The following ZNF260 variants were observed in gnomAD, a reference collection of about 807,000 sequenced individuals.
The protein encoded by ZNF260 is zfp-260.
A neutral mutation model predicts 29.3 loss-of-function variants in ZNF260; 21 were observed. The observed-to-expected ratio is 0.72, with a 90% CI of 0.51 to 1.03. The LOEUF (loss-of-function observed/expected upper bound fraction) is 1.03. ZNF260 is among the 50% of genes least tolerant of loss of function. ZNF260 has a pLI of 0.00. For synonymous variants in ZNF260, 156 were observed against 156.8 expected, an observed-to-expected ratio of 0.99 and a Z score of 0.04; for missense variants, 465 against 487.8, an observed-to-expected ratio of 0.95 and a Z score of 0.44.
At position 36,515,154 on chromosome 19, in the gene ZNF260, A is replaced by C. The variant is rs1223770878; in HGVS notation, c.85T>G (p.Cys29Gly). The C allele has an allele frequency of 1.9e-6, 3 of 1,613,646 alleles. No individual in the cohort carries two copies. Among genetic ancestry groups the C allele is most frequent in the Non-Finnish European group, 1.7e-6 (2 of 1,179,774 alleles). The change falls in exon 3 of 3, where the codon TGT becomes GGT. Residue 29 changes from cysteine (C) to glycine (G), a missense_variant. By Grantham distance (159) the Cys-to-Gly change is radical. Transcript: ENST00000523638. ...CTAAAAGTTTTTCTACATTCATTAC[A>C]TTCATAAGGTTTCTCTCCAGTATGA... is the stretch of plus-strand genomic sequence containing the variant. Reference protein sequence around the residue: ...QIHTGEKPYECNECRKTFSLK... With the variant: ...QIHTGEKPYEGNECRKTFSLK...
rs1182103669 is a variant in ZNF260, at chr19:36,514,204, T to C, written c.1035A>G (p.Ser345=). Residue 345 remains serine, a synonymous_variant, in exon 3 of 3, where the codon TCA becomes TCG. Coordinates refer to ENST00000523638, the MANE Select transcript of ZNF260 (RefSeq NM_001166037.2). ...GGCTTCTCATATGCACAGTAAGAGA[T>C]GAGCTTTGACAGAAGGCTTTCCCAC... ...KVCGKAFCQS[S]SLTVHMRSHT... is the part of the protein sequence containing the mutation. The C allele has an allele frequency of 6.2e-7, 1 of 1,613,918 alleles. No homozygotes were observed. The highest frequency in any genetic ancestry group is 1.1e-5 in the South Asian group (1 of 91,080).
intron 2 of ZNF260, among the ~76,000 whole-genome samples, chr19:36,517,838 CTT>C (rs200161285): frequency 7.6e-5 from 11 of 143,912 alleles, no homozygotes; most frequent in Admixed American, 1.4e-4. Context: ...TTCTTTCTTT[CTT>C]TTTTTTTTTT....
In ZNF260 at chr19:36,511,076, T is replaced by C. The variant is rs2034443580; in HGVS notation, c.*2924A>G. The C allele has an allele frequency of 6.6e-6, 1 of 152,116 alleles. No individual in the cohort carries two copies. Among genetic ancestry groups the C allele is most frequent in the Admixed American group, 6.6e-5 (1 of 15,264 alleles). The allele number at this position is 152,116 out of a possible 1,614,324, so 9.4% of individuals were successfully genotyped here. A position where few individuals can be genotyped will look rare whatever the true frequency, so the allele number is the denominator to read the frequency against. ...TATTTGGGTATATTACCTCAGAAAA[T>C]CAACAACTGTCATTTTCAATCTTAT... is the stretch of plus-strand genomic sequence containing the variant. On this transcript the variant is annotated 3_prime_UTR_variant, in exon 3 of 3. Coordinates refer to ENST00000523638, the MANE Select transcript of ZNF260 (RefSeq NM_001166037.2).
In ZNF260 at chr19:36,525,266, G is replaced by C. The variant is rs937329219; in HGVS notation, c.-573C>G. 3 of 152,186 alleles carry C rather than the reference G, an allele frequency of 2.0e-5. No individual in the cohort carries two copies. The highest frequency in any genetic ancestry group is 7.2e-5 in the African/African-American group (3 of 41,438). 9.4% of individuals were successfully genotyped at this position (152,186 alleles called of 1,614,324 possible). On this transcript the variant is annotated 5_prime_UTR_variant, in exon 2 of 3. Transcript: ENST00000523638. ...AACTTGTGAGCAGAAAAATGACACT[G>C]GACTTGGATGTTATGGTTGGGGAAC... is the stretch of plus-strand genomic sequence containing the variant.
At chr19:36,527,489 G>A (rs987865556) in intron 1 of ZNF260, among the ~76,000 whole-genome samples, 2 of 152,150 alleles carry the variant, frequency 1.3e-5, no homozygotes, top group Non-Finnish European at 2.9e-5. Flanking sequence ...AAAGGCTGGG[G>A]AAACCCTGAT....
Position 36,515,217 on chromosome 19 carries a change from G to C in ZNF260, c.22C>G (p.Leu8Val), listed in dbSNP as rs756753065. The change falls in exon 3 of 3, where the codon CTT (leucine) becomes GTT (valine). Residue 8 changes from leucine (L) to valine (V), a missense_variant. Physicochemically the swap from Leu to Val is conservative, Grantham distance 32. Transcript: ENST00000523638. MIGMLES[L>V]QHESDLLQHD... ...TGAAGGAGATCTGATTCATGCTGAA[G>C]ACTTTCCAACATGCCTATCATGCAT... is the stretch of plus-strand genomic sequence containing the variant. The C allele has an allele frequency of 5.1e-6, 8 of 1,582,192 alleles. No individual in the cohort carries two copies. Among genetic ancestry groups the C allele is most frequent in the Non-Finnish European group, 6.9e-6 (8 of 1,163,036 alleles).
Position 36,514,484 on chromosome 19 carries a change from T to G in ZNF260, c.755A>C (p.Glu252Ala), listed in dbSNP as rs760291191. Residue 252 changes from glutamate to alanine, a missense_variant, in exon 3 of 3, where the codon GAA becomes GCA. Coordinates refer to ENST00000523638, the MANE Select transcript of ZNF260 (RefSeq NM_001166037.2). ...CTTGCCACTGAAGGCTTTCCCACATTCCTTACACGTATAAGGTTTCTCTCC... is the reference window on the plus strand; with the variant it reads ...CTTGCCACTGAAGGCTTTCCCACATGCCTTACACGTATAAGGTTTCTCTCC... Reference protein sequence around the residue: ...HTGEKPYTCKECGKAFSGKSN... With the variant: ...HTGEKPYTCKACGKAFSGKSN... 6.2e-7 allele frequency: 1 copy of G among 1,614,112 alleles called. No individual in the cohort carries two copies. Among genetic ancestry groups the G allele is most frequent in the South Asian group, 1.1e-5 (1 of 91,076 alleles).
chr19:36,514,172 C>G lies in ZNF260; in HGVS notation c.1067G>C (p.Gly356Ala). ...SLTVHMRSHT[G>A]EKPYGCNECG... Reference sequence around the variant, plus strand: ...TTCATTACAACCATAGGGTTTCTCACCTGTATGGCTTCTCATATGCACAGT... The same window carrying G: ...TTCATTACAACCATAGGGTTTCTCAGCTGTATGGCTTCTCATATGCACAGT... The change falls in exon 3 of 3, where the codon GGT (glycine) becomes GCT (alanine). Residue 356 changes from glycine to alanine, a missense_variant. Transcript: ENST00000523638. 6.2e-7 allele frequency: 1 copy of G among 1,614,148 alleles called. No individual in the cohort carries two copies. Among genetic ancestry groups the G allele is most frequent in the Non-Finnish European group, 8.5e-7 (1 of 1,179,998 alleles).
At chr19:36,519,233 A>G (rs375117786) in intron 2 of ZNF260, among the ~76,000 whole-genome samples, 17 of 152,370 alleles carry the variant, frequency 1.1e-4, no homozygotes, top group Admixed American at 8.5e-4. Context: ...TGGAAAACTA[A>G]GCAAACAAAA....
chr19:36,515,549 G>T lies in ZNF260; in HGVS notation c.-311C>A. On this transcript the variant is annotated 5_prime_UTR_variant, in exon 3 of 3. Coordinates refer to ENST00000523638, the MANE Select transcript of ZNF260 (RefSeq NM_001166037.2). ...TTTAAACTGAGTTCCATACACAGAAGGGTAGTCTTGAAGAATCAATGACTG... is the reference window on the plus strand; with the variant it reads ...TTTAAACTGAGTTCCATACACAGAATGGTAGTCTTGAAGAATCAATGACTG... 1 of 213,024 alleles carries T rather than the reference G, an allele frequency of 4.7e-6. No homozygotes were observed. The highest frequency in any genetic ancestry group is 5.3e-5 in the Admixed American group (1 of 18,720). The allele number at this position is 213,024 out of a possible 1,614,324, so 13.2% of individuals were successfully genotyped here.
Position 36,514,163 on chromosome 19 carries a change from G to A in ZNF260, c.1076C>T (p.Pro359Leu). 3 of 1,614,042 alleles carry A rather than the reference G, an allele frequency of 1.9e-6. No homozygotes were observed. Among genetic ancestry groups the A allele is most frequent in the Non-Finnish European group, 2.5e-6 (3 of 1,179,980 alleles). The part of the protein sequence containing the change: ...VHMRSHTGEK[P>L]YGCNECGKAF... ...TTTCCCACATTCATTACAACCATAG[G>A]GTTTCTCACCTGTATGGCTTCTCAT... The change falls in exon 3 of 3, where the codon CCC becomes CTC. Residue 359 changes from proline (P) to leucine (L), a missense_variant. Transcript: ENST00000523638.
chr19:36,515,905 C>T (rs1036882234), intron 2 of ZNF260, among the ~76,000 whole-genome samples: 25 of 150,870 alleles, frequency 1.7e-4, no homozygotes, highest in Admixed American at 1.4e-3. Flanking sequence ...GAATTTCGCT[C>T]TTGTTGCCCA....
At chr19:36,522,316 C>T (rs959171969) in intron 2 of ZNF260, among the ~76,000 whole-genome samples, 11 of 151,512 alleles carry the variant, frequency 7.3e-5, no homozygotes, top group South Asian at 2.1e-4. Context: ...ATTAGCTGGG[C>T]GTGGTGACAT....
intron 1 of ZNF260, among the ~76,000 whole-genome samples, chr19:36,526,160 T>G (rs2034729785): frequency 6.6e-6 from 1 of 152,210 alleles, no homozygotes; most frequent in Admixed American, 6.5e-5. Context: ...AAGTGTCCTA[T>G]AATAATAATC....
Position 36,514,836 on chromosome 19 carries a change from G to T in ZNF260, c.403C>A (p.Pro135Thr). The T allele has an allele frequency of 6.2e-7, 1 of 1,614,014 alleles. No homozygotes were observed. The highest frequency in any genetic ancestry group is 8.5e-7 in the Non-Finnish European group (1 of 1,180,008). ...RHQKNHTGTKPYACKECGKAF... is the reference protein window; with the variant it reads ...RHQKNHTGTKTYACKECGKAF... ...TTGCCACATTCCTTACATGCATAGG[G>T]TTTGGTTCCTGTATGATTTTTCTGG... The change falls in exon 3 of 3, where the codon CCC becomes ACC. Residue 135 changes from proline (P) to threonine (T), a missense_variant. By Grantham distance (38) the Pro-to-Thr change is conservative. Transcript: ENST00000523638.
At position 36,524,812 on chromosome 19, in the gene ZNF260, G is replaced by A. The variant is rs2034708036; in HGVS notation, c.-462+343C>T. The stretch of plus-strand genomic sequence containing the variant: ...GGCATACAGGGAAAAGTGAAAAATG[G>A]AGAATGTTAGTGAAAGGAAGAAAAG... On this transcript the variant is annotated intron_variant, in intron 2 of 2. Coordinates refer to ENST00000523638, the MANE Select transcript of ZNF260 (RefSeq NM_001166037.2). Among the ~76,000 whole-genome samples, 5 of 152,108 alleles carry A rather than the reference G, an allele frequency of 3.3e-5. No homozygotes were observed. The South Asian group carries it at 1.0e-3, about 32-fold the overall frequency.
At position 36,514,487 on chromosome 19, in the gene ZNF260, T is replaced by C. The variant is rs2034508574; in HGVS notation, c.752A>G (p.Lys251Arg). Residue 251 changes from lysine to arginine, a missense_variant, in exon 3 of 3, where the codon AAG becomes AGG. Transcript: ENST00000523638. Reference protein sequence around the residue: ...SHTGEKPYTCKECGKAFSGKS... With the variant: ...SHTGEKPYTCRECGKAFSGKS... ...GCCACTGAAGGCTTTCCCACATTCC[T>C]TACACGTATAAGGTTTCTCTCCTGT... is the stretch of plus-strand genomic sequence containing the variant. 6.2e-7 allele frequency: 1 copy of C among 1,613,978 alleles called. No individual in the cohort carries two copies. The highest frequency in any genetic ancestry group is 1.7e-5 in the Admixed American group (1 of 60,010).
rs1448969183 is a variant in ZNF260, at chr19:36,512,507, C to T, written c.*1493G>A. ...TACCATGCTTGGTAACATTTCCCTT[C>T]CACCTCCTTTCTTCCTAGAGGTAAC... On this transcript the variant is annotated 3_prime_UTR_variant, in exon 3 of 3. Transcript: ENST00000523638. The T allele has an allele frequency of 6.6e-6, 1 of 152,112 alleles. No homozygotes were observed. Among genetic ancestry groups the T allele is most frequent in the African/African-American group, 2.4e-5 (1 of 41,440 alleles). The allele number at this position is 152,112 out of a possible 1,614,324, so 9.4% of individuals were successfully genotyped here.
At chr19:36,525,079 A>AAAC (rs1439251752) in intron 2 of ZNF260, 76 bp downstream of exon 2, 16 of 152,278 alleles carry the variant, frequency 1.1e-4, no homozygotes, top group Middle Eastern at 3.4e-3. Flanking sequence ...AACAAACAAA[A>AAAC]AAACCCCACA....
Sources: allele counts gnomAD v4.1 joint callset (sites outside exome capture counted in the v4.1 genomes callset), GRCh38; gene constraint gnomAD v4.1.1; transcripts MANE v1.5; gene names NCBI Gene and HGNC (gene_info 2026-07-23, HGNC 2026-07-21).